The following HAPSTR1 variants were observed in gnomAD, a reference collection of about 807,000 sequenced individuals.
HAPSTR1 encodes the protein HUWE1-associated protein modifying stress responses 1.
At chr16:9,118,509 T>C in the HAPSTR1 span, 2 of 152,666 alleles carry the variant, frequency 1.3e-5, no homozygotes, top group South Asian at 2.1e-4. Context: ...GTATTCATTA[T>C]AGATGTAGCC....
the HAPSTR1 span, among the ~76,000 whole-genome samples, chr16:9,095,090 T>G: frequency 6.6e-6 from 1 of 152,264 alleles, no homozygotes. Context: ...CTTGGATTAT[T>G]GTAAATGCTA....
chr16:9,111,430 G>T, the HAPSTR1 span: 7 of 152,144 alleles, frequency 4.6e-5, no homozygotes, highest in Non-Finnish European at 1.0e-4. Flanking sequence ...ATGTCCCTTT[G>T]TTCAAACCAG....
chr16:9,107,853 G>A, the HAPSTR1 span: 1 of 152,004 alleles, frequency 6.6e-6, no homozygotes, highest in Non-Finnish European at 1.5e-5. Flanking sequence ...ACATAGCAGG[G>A]ACCTTGTCTT....
the HAPSTR1 span, among the ~76,000 whole-genome samples, chr16:9,095,221 T>C: frequency 6.6e-6 from 1 of 152,222 alleles, no homozygotes; most frequent in East Asian, 1.9e-4. Context: ...CGTTTTCTTA[T>C]TTGATTCAAG....
the HAPSTR1 span, chr16:9,116,904 A>G: frequency 1.2e-6 from 2 of 1,613,934 alleles, no homozygotes; most frequent in Non-Finnish European, 1.7e-6. Flanking sequence ...ACGCAACAGA[A>G]TGATCTAAAC....
chr16:9,092,317 G>A, the HAPSTR1 span: 21 of 1,428,004 alleles, frequency 1.5e-5, no homozygotes, highest in East Asian at 2.9e-5. Context: ...GCCCCCGCCC[G>A]GGCCCGGCCC....
chr16:9,109,201 C>T, the HAPSTR1 span: 1 of 152,132 alleles, frequency 6.6e-6, no homozygotes, highest in Non-Finnish European at 1.5e-5. Flanking sequence ...TGTCTCCTCA[C>T]TGGAGGGAGA....
the HAPSTR1 span, chr16:9,119,747 T>C: frequency 4.6e-5 from 7 of 152,256 alleles, no homozygotes; most frequent in South Asian, 6.2e-4. Context: ...GAATAACTTT[T>C]TGATGCAATC....
chr16:9,119,088 C>A, the HAPSTR1 span: 1 of 152,574 alleles, frequency 6.6e-6, no homozygotes, highest in Non-Finnish European at 1.5e-5. Context: ...GCATTTGTTA[C>A]TTTTTTCCAT....
chr16:9,092,388 C>G, the HAPSTR1 span: 2 of 930,562 alleles, frequency 2.1e-6, no homozygotes, highest in Non-Finnish European at 2.8e-6. Context: ...TCGGGGATCC[C>G]GGCCGGTGGC....
the HAPSTR1 span, among the ~76,000 whole-genome samples, chr16:9,093,737 A>G: frequency 6.6e-6 from 1 of 152,130 alleles, no homozygotes; most frequent in Non-Finnish European, 1.5e-5. Context: ...TTGTGATGAC[A>G]TGAAGATGTG....
chr16:9,103,400 T>C, the HAPSTR1 span: 22 of 911,200 alleles, frequency 2.4e-5, no homozygotes, highest in South Asian at 2.9e-4. Context: ...TTTAATAGAA[T>C]GTAAGCTAAG....
At chr16:9,096,324 AGTT>A in the HAPSTR1 span, among the ~76,000 whole-genome samples, 1 of 152,176 alleles carries the variant, frequency 6.6e-6, no homozygotes, top group Admixed American at 6.5e-5. Context: ...AAGTAATAAT[AGTT>A]TATTTTCTGT....
At chr16:9,103,334 T>C in the HAPSTR1 span, 1 of 1,473,754 alleles carries the variant, frequency 6.8e-7, no homozygotes. Flanking sequence ...CACGGTTAGG[T>C]TTAGGTCCAG....
chr16:9,102,576 G>A, the HAPSTR1 span, among the ~76,000 whole-genome samples: 1 of 152,110 alleles, frequency 6.6e-6, no homozygotes, highest in Non-Finnish European at 1.5e-5. Flanking sequence ...CCTCATTCTT[G>A]GTGCTGAATC....
the HAPSTR1 span, chr16:9,091,761 C>G: frequency 5.3e-6 from 2 of 377,752 alleles, no homozygotes; most frequent in East Asian, 7.6e-5. Flanking sequence ...AGACAGGCTG[C>G]GGCGGCCGAG....
the HAPSTR1 span, chr16:9,103,017 T>G: frequency 6.2e-7 from 1 of 1,614,160 alleles, no homozygotes; most frequent in Non-Finnish European, 8.5e-7. Flanking sequence ...AGTTTTGATA[T>G]TGGAATTCAG....
chr16:9,092,742 G>T, the HAPSTR1 span, among the ~76,000 whole-genome samples: 21 of 151,848 alleles, frequency 1.4e-4, no homozygotes, highest in Non-Finnish European at 2.8e-4. Context: ...CGACCTCCCT[G>T]CCCCCCCGGT....
the HAPSTR1 span, among the ~76,000 whole-genome samples, chr16:9,094,749 CT>C: frequency 6.6e-6 from 1 of 152,126 alleles, no homozygotes; most frequent in Non-Finnish European, 1.5e-5. Flanking sequence ...TATTCTTTTG[CT>C]TTTGTTGGTA....
Sources: gnomAD v4.1 joint callset for allele counts (sites outside exome capture counted in the v4.1 genomes callset) on GRCh38, gnomAD v4.1.1 for gene constraint, MANE v1.5 for transcripts, NCBI Gene and HGNC (gene_info 2026-07-23, HGNC 2026-07-21) for gene names.